The following MCTP1 variants were observed in gnomAD, a reference collection of about 807,000 sequenced individuals.
MCTP1 encodes multiple C2 and transmembrane domain containing 1, also known as multiple C2 and transmembrane domain-containing protein 1.
In MCTP1, 69 loss-of-function variants were observed where a neutral mutation model predicts 120.6. That is an observed-to-expected ratio of 0.57 (90% CI 0.47 to 0.70). The LOEUF is 0.70. Ranked by LOEUF, MCTP1 falls within the 30% of genes least tolerant of loss-of-function variation. The pLI is 0.00. For synonymous variants in MCTP1, 529 were observed against 493.1 expected (o/e 1.07, Z -0.96); for missense variants, 1,203 against 1,248.8 (o/e 0.96, Z 0.55).
At chr5:95,227,670 C>T (rs1754441819) in intron 1 of MCTP1, among the ~76,000 whole-genome samples, 1 of 152,162 alleles carries the variant, frequency 6.6e-6, no homozygotes, top group African/African-American at 2.4e-5. Flanking sequence ...TAGTGACAGG[C>T]TGTGTCTACA....
At chr5:94,940,217 T>C in intron 4 of MCTP1, 22 bp from the exon 5 acceptor site, 1 of 1,420,388 alleles carries the variant, frequency 7.0e-7, no homozygotes, top group Non-Finnish European at 9.8e-7. Context: ...AATATTTAGA[T>C]TTTGAACAGT....
intron 17 of MCTP1, among the ~76,000 whole-genome samples, chr5:94,848,276 G>A (rs1018098133): frequency 2.0e-5 from 3 of 151,838 alleles, no homozygotes; most frequent in African/African-American, 4.8e-5. Context: ...ATAAAGAAGC[G>A]TCTTTCCCCA....
intron 5 of MCTP1, among the ~76,000 whole-genome samples, chr5:94,933,689 A>G (rs1267483539): frequency 1.3e-5 from 2 of 151,900 alleles, no homozygotes; most frequent in Non-Finnish European, 2.9e-5. Context: ...TCCATTATAT[A>G]AGAAATGTTA....
intron 17 of MCTP1, among the ~76,000 whole-genome samples, chr5:94,842,693 A>C (rs1231644956): frequency 6.6e-6 from 1 of 152,220 alleles, no homozygotes; most frequent in Non-Finnish European, 1.5e-5. Flanking sequence ...CTTATGAATA[A>C]ACAATATATC....
intron 1 of MCTP1, among the ~76,000 whole-genome samples, chr5:95,234,173 G>A (rs1582615553): frequency 6.6e-6 from 1 of 152,294 alleles, no homozygotes; most frequent in Non-Finnish European, 1.5e-5. Context: ...GTTAAAGGGT[G>A]ATTCAATAAC....
At chr5:95,086,637 A>T (rs1202850755) in intron 1 of MCTP1, among the ~76,000 whole-genome samples, 2 of 152,216 alleles carry the variant, frequency 1.3e-5, no homozygotes, top group Non-Finnish European at 2.9e-5. Flanking sequence ...TAACTCAGAG[A>T]TTAACCTTCA....
chr5:95,172,365 T>A (rs903074856), intron 1 of MCTP1, among the ~76,000 whole-genome samples: 9 of 152,220 alleles, frequency 5.9e-5, no homozygotes, highest in Non-Finnish European at 1.0e-4. Flanking sequence ...GGGACCCACT[T>A]GAGGAGGCAG....
chr5:94,855,700 A>G (rs1581053026), intron 17 of MCTP1, among the ~76,000 whole-genome samples: 1 of 151,864 alleles, frequency 6.6e-6, no homozygotes, highest in East Asian at 2.0e-4. Context: ...AGGGAAAAGG[A>G]AACCTATTAT....
chr5:95,024,911 A>G (rs529539080), intron 1 of MCTP1, among the ~76,000 whole-genome samples: 2 of 152,228 alleles, frequency 1.3e-5, no homozygotes, highest in Non-Finnish European at 2.9e-5. Context: ...GATGGGAGAT[A>G]TTGAAGATGA....
intron 19 of MCTP1, among the ~76,000 whole-genome samples, chr5:94,774,333 T>C (rs1774831226): frequency 6.7e-6 from 1 of 148,380 alleles, no homozygotes; most frequent in African/African-American, 2.5e-5. Flanking sequence ...GGGCCTGGCC[T>C]AATCAGGTGA....
chr5:95,277,221 C>T (rs1201447394), intron 1 of MCTP1, among the ~76,000 whole-genome samples: 4 of 152,104 alleles, frequency 2.6e-5, no homozygotes, highest in Admixed American at 6.5e-5. Context: ...ATCCCTGACC[C>T]GGAGACCTCA....
intron 6 of MCTP1, among the ~76,000 whole-genome samples, chr5:94,924,272 T>C (rs539991324): frequency 2.2e-4 from 33 of 152,242 alleles, no homozygotes; most frequent in Non-Finnish European, 4.0e-4. Flanking sequence ...TAAGTATTCA[T>C]TAATATATTT....
chr5:95,200,705 A>G (rs959519932), intron 1 of MCTP1, among the ~76,000 whole-genome samples: 2 of 152,232 alleles, frequency 1.3e-5, no homozygotes, highest in African/African-American at 4.8e-5. Context: ...AGTTAGATAA[A>G]AGTAATAAGT....
intron 18 of MCTP1, among the ~76,000 whole-genome samples, chr5:94,788,305 T>C (rs750440937): frequency 9.2e-5 from 14 of 152,212 alleles, no homozygotes; most frequent in Admixed American, 2.6e-4. Context: ...TTCAGTTCTA[T>C]GTACACAAGG....
At chr5:94,778,083 C>T (rs1448227979) in intron 19 of MCTP1, among the ~76,000 whole-genome samples, 9 of 151,936 alleles carry the variant, frequency 5.9e-5, no homozygotes, top group Non-Finnish European at 1.2e-4. Flanking sequence ...GAGACACAGC[C>T]TTTGGTGGCA....
At chr5:95,113,057 G>C (rs934150682) in intron 1 of MCTP1, among the ~76,000 whole-genome samples, 5 of 152,126 alleles carry the variant, frequency 3.3e-5, no homozygotes, top group African/African-American at 1.2e-4. Context: ...CCTCCAGAGA[G>C]AGAACTAGGA....
chr5:94,752,108 AATATATATATATATATAT>A lies in MCTP1; in HGVS notation c.2610+26984_2610+27001del, dbSNP rs146434254. Among the ~76,000 whole-genome samples the A allele has an allele frequency of 7.3e-4, 55 of 75,802 alleles. 4 individuals carry two copies. Among genetic ancestry groups the A allele is most frequent in the East Asian group, 2.7e-3 (7 of 2,606 alleles). The allele number at this position is 75,802 out of a possible 152,430, so 49.7% of individuals were successfully genotyped here. Reference sequence around the variant, plus strand: ...ATGTACCCTAAAACTTAAATAATAAAATATATATATATATATATATATATATATATATATATATTCAAA... The same window carrying A: ...ATGTACCCTAAAACTTAAATAATAAAATATATATATATATATATATTCAAA... On this transcript the variant is annotated intron_variant, in intron 19 of 22. Coordinates refer to ENST00000515393, the MANE Select transcript of MCTP1 (RefSeq NM_024717.7).
chr5:95,096,329 CAG>C (rs1413643056), intron 1 of MCTP1, among the ~76,000 whole-genome samples: 1 of 152,158 alleles, frequency 6.6e-6, no homozygotes, highest in African/African-American at 2.4e-5. Context: ...GCAGACAAAA[CAG>C]AGTTTTTAAT....
intron 1 of MCTP1, among the ~76,000 whole-genome samples, chr5:95,142,236 A>T (rs995038814): frequency 2.0e-5 from 3 of 152,180 alleles, no homozygotes; most frequent in African/African-American, 4.8e-5. Context: ...TTGTCTCCAG[A>T]AAAAAACACC....
Sources: allele counts gnomAD v4.1 joint callset (sites outside exome capture counted in the v4.1 genomes callset), GRCh38; gene constraint gnomAD v4.1.1; transcripts MANE v1.5; gene names NCBI Gene and HGNC (gene_info 2026-07-23, HGNC 2026-07-21).